BBOX1: variants seen among roughly 807,000 people sequenced by gnomAD.
The protein encoded by BBOX1 is gamma-butyrobetaine dioxygenase.
BBOX1 carries 35 observed loss-of-function variants against 41.6 expected under a neutral mutation model. The ratio of observed to expected loss-of-function variants is 0.84; its 90% CI spans 0.64 to 1.11. The LOEUF (loss-of-function observed/expected upper bound fraction) is 1.11, where lower values mean the gene tolerates loss of function less well. Ranked by LOEUF, BBOX1 falls within the 50% of genes most tolerant of loss-of-function variation. BBOX1 has a pLI of 0.00. For missense variants in BBOX1, 458 were observed against 460.6 expected, an observed-to-expected ratio of 0.99 and a Z score of 0.05; for synonymous variants, 163 against 154.7, an observed-to-expected ratio of 1.05 and a Z score of -0.40.
chr11:27,123,596 G>T (rs1859543717), intron 7 of BBOX1, among the ~76,000 whole-genome samples: 1 of 152,164 alleles, frequency 6.6e-6, no homozygotes, highest in African/African-American at 2.4e-5. Flanking sequence ...AGTAGGGCTA[G>T]AATCTTGCAG....
At chr11:27,105,414 GAA>G (rs1366027063) in intron 5 of BBOX1, among the ~76,000 whole-genome samples, 1 of 152,106 alleles carries the variant, frequency 6.6e-6, no homozygotes, top group African/African-American at 2.4e-5. Flanking sequence ...TGATGGAGCT[GAA>G]AACCATGGCA....
chr11:27,067,364 T>C (rs1564960890), intron 4 of BBOX1, among the ~76,000 whole-genome samples: 1 of 152,084 alleles, frequency 6.6e-6, no homozygotes, highest in Non-Finnish European at 1.5e-5. Context: ...TTTTTATTTC[T>C]TACCTCTTCT....
chr11:27,099,597 G>A (rs996309476), intron 5 of BBOX1, among the ~76,000 whole-genome samples: 1 of 152,056 alleles, frequency 6.6e-6, no homozygotes, highest in African/African-American at 2.4e-5. Flanking sequence ...AAGAATTGGG[G>A]ACCCAGTGCC....
chr11:27,094,557 T>C (rs989366967), intron 5 of BBOX1, among the ~76,000 whole-genome samples: 6 of 151,976 alleles, frequency 3.9e-5, no homozygotes, highest in Non-Finnish European at 5.9e-5. Context: ...GCCAACAATC[T>C]ACTGGATACA....
rs184733193 is a variant in BBOX1 at position 27,121,173 on chromosome 11, G to A, written c.836+1328G>A. Among the ~76,000 whole-genome samples the A allele has an allele frequency of 7.9e-5, 12 of 152,106 alleles. No individual in the cohort carries two copies. In the East Asian group the frequency reaches 1.4e-3, roughly 17 times the overall value. On this transcript the variant is annotated intron_variant, in intron 7 of 8. Transcript: ENST00000263182. Reference sequence around the variant, plus strand: ...GTTTTCAGAAGAGAAGCAGTTTCCCGAAACTGCTAGACCAAAAGTTCTAAA... The same window carrying A: ...GTTTTCAGAAGAGAAGCAGTTTCCCAAAACTGCTAGACCAAAAGTTCTAAA...
intron 2 of BBOX1, among the ~76,000 whole-genome samples, chr11:27,053,755 A>G (rs1044240500): frequency 2.0e-5 from 3 of 152,174 alleles, no homozygotes; most frequent in Non-Finnish European, 2.9e-5. Flanking sequence ...CAGACTTATG[A>G]GCTAAATTTC....
intron 5 of BBOX1, among the ~76,000 whole-genome samples, chr11:27,108,587 A>G (rs1374283762): frequency 2.0e-5 from 3 of 151,970 alleles, no homozygotes; most frequent in Non-Finnish European, 4.4e-5. Context: ...TTTCTTGGCA[A>G]CTCTCACTGC....
chr11:27,048,528 TAGATGATA>T (rs1454071400), intron 2 of BBOX1, among the ~76,000 whole-genome samples: 8 of 117,732 alleles, frequency 6.8e-5, no homozygotes, highest in Non-Finnish European at 1.4e-4. Context: ...GGCAGATAGA[TAGATGATA>T]GATAGATAGA....
intron 4 of BBOX1, among the ~76,000 whole-genome samples, chr11:27,085,902 G>A (rs894834995): frequency 5.1e-4 from 77 of 152,060 alleles, no homozygotes; most frequent in African/African-American, 1.8e-3. Flanking sequence ...CTGCTGATGT[G>A]GAGAAAGTTT....
intron 5 of BBOX1, among the ~76,000 whole-genome samples, chr11:27,109,882 G>T (rs1347784017): frequency 6.6e-6 from 1 of 151,938 alleles, no homozygotes; most frequent in Admixed American, 6.6e-5. Flanking sequence ...CAGACCAAGG[G>T]TCTTATTTTG....
At chr11:27,121,029 G>A (rs976942639) in intron 7 of BBOX1, among the ~76,000 whole-genome samples, 2 of 152,142 alleles carry the variant, frequency 1.3e-5, no homozygotes, top group Admixed American at 6.5e-5. Flanking sequence ...AAAAAAGGAA[G>A]AGCATAGCAA....
chr11:27,044,242 C>A (rs1851428491), intron 2 of BBOX1, among the ~76,000 whole-genome samples: 1 of 152,030 alleles, frequency 6.6e-6, no homozygotes, highest in African/African-American at 2.4e-5. Flanking sequence ...TAAATGTCTT[C>A]TTTTGAGAAG....
chr11:27,115,430 A>G lies in BBOX1; in HGVS notation c.534-22A>G, dbSNP rs754433474. On this transcript the variant is annotated intron_variant, in intron 5 of 8. Coordinates refer to ENST00000263182, the MANE Select transcript of BBOX1 (RefSeq NM_003986.3). ...TGGCTTAGTGACAACCTGTTTAAAC[A>G]TGTGTTTCTTGCATTTTACAGACAT... 17 of 1,590,538 alleles carry G rather than the reference A, an allele frequency of 1.1e-5. No homozygotes were observed. In the South Asian group the frequency reaches 1.9e-4, roughly 18 times the overall value.
chr11:27,079,937 T>G (rs950242123), intron 4 of BBOX1, among the ~76,000 whole-genome samples: 2 of 152,080 alleles, frequency 1.3e-5, no homozygotes, highest in African/African-American at 4.8e-5. Flanking sequence ...TCCAACCATA[T>G]CTTGCTGCTT....
At chr11:27,074,210 GAAT>G (rs1857561383) in intron 4 of BBOX1, among the ~76,000 whole-genome samples, 1 of 151,976 alleles carries the variant, frequency 6.6e-6, no homozygotes, top group African/African-American at 2.4e-5. Flanking sequence ...GTGGAACTGT[GAAT>G]CAATTAAACC....
At chr11:27,070,655 TTA>T (rs565890590) in intron 4 of BBOX1, among the ~76,000 whole-genome samples, 41 of 152,128 alleles carry the variant, frequency 2.7e-4, no homozygotes, top group African/African-American at 9.2e-4. Context: ...GTATGAATCC[TTA>T]TGTGTTAGGT....
chr11:27,098,470 G>C (rs1159172832), intron 5 of BBOX1, among the ~76,000 whole-genome samples: 1 of 152,068 alleles, frequency 6.6e-6, no homozygotes, highest in South Asian at 2.1e-4. Context: ...TCTACTTTTT[G>C]TTGCAGATTC....
At chr11:27,102,928 C>T (rs140722261) in intron 5 of BBOX1, among the ~76,000 whole-genome samples, 36 of 152,200 alleles carry the variant, frequency 2.4e-4, no homozygotes, top group African/African-American at 8.7e-4. Flanking sequence ...TGGTGGCTCA[C>T]GCCTGTAATC....
intron 4 of BBOX1, among the ~76,000 whole-genome samples, chr11:27,059,234 T>C (rs139490505): frequency 3.9e-4 from 59 of 152,342 alleles, no homozygotes; most frequent in African/African-American, 1.2e-3. Context: ...CATAAGCTAC[T>C]GTAAGACTTG....
Sources: gnomAD v4.1 joint callset for allele counts (sites outside exome capture counted in the v4.1 genomes callset) on GRCh38, gnomAD v4.1.1 for gene constraint, MANE v1.5 for transcripts, NCBI Gene and HGNC (gene_info 2026-07-23, HGNC 2026-07-21) for gene names.